The following ZNF391 variants were observed in gnomAD, a reference collection of about 807,000 sequenced individuals.
ZNF391 encodes zinc finger protein 391.
For missense variants in ZNF391, 375 were observed against 425.5 expected (o/e 0.88, Z 1.04); for synonymous variants, 126 against 142.1 (o/e 0.89, Z 0.80).
chr6:27,401,033 C>G lies in ZNF391; in HGVS notation c.663C>G (p.Tyr221Ter), dbSNP rs764820334. 1.2e-6 allele frequency: 2 copies of G among 1,614,054 alleles called. No homozygotes were observed. Among genetic ancestry groups the G allele is most frequent in the Non-Finnish European group, 1.7e-6 (2 of 1,180,042 alleles). Residue 221 changes from tyrosine to a stop codon, truncating the protein, a stop_gained, in exon 3 of 3, where the codon TAC (tyrosine) becomes TAG (stop). Coordinates refer to ENST00000244576, the MANE Select transcript of ZNF391 (RefSeq NM_001076781.3). LOFTEE classifies it low-confidence loss of function (END_TRUNC). Reference protein sequence around the residue: ...HQRTHTQERPYKCNECGKAFG... With the variant: ...HQRTHTQERP ...GAACTCATACTCAAGAAAGGCCTTACAAATGTAATGAATGTGGGAAAGCCT... is the reference window on the plus strand; with the variant it reads ...GAACTCATACTCAAGAAAGGCCTTAGAAATGTAATGAATGTGGGAAAGCCT...
chr6:27,402,558 T>TA lies in ZNF391; in HGVS notation c.*1112dup, dbSNP rs1761997547. ...TTTTATCAAGTTATAAAACTTGAGGTAGTGCAACTAGATTATACACTTCTT... is the reference window on the plus strand; with the variant it reads ...TTTTATCAAGTTATAAAACTTGAGGTAAGTGCAACTAGATTATACACTTCTT... On this transcript the variant is annotated 3_prime_UTR_variant, in exon 3 of 3. Transcript: ENST00000244576. 1 of 152,170 alleles carries TA rather than the reference T, an allele frequency of 6.6e-6. No individual in the cohort carries two copies. Among genetic ancestry groups the TA allele is most frequent in the Admixed American group, 6.5e-5 (1 of 15,270 alleles). 9.4% of individuals were successfully genotyped at this position (152,170 alleles called of 1,614,324 possible).
chr6:27,390,068 C>T lies in ZNF391; in HGVS notation c.-188+993C>T, dbSNP rs562897735. Among the ~76,000 whole-genome samples the T allele has an allele frequency of 2.0e-3, 311 of 152,286 alleles. 2 individuals carry two copies. Among genetic ancestry groups the T allele is most frequent in the African/African-American group, 7.1e-3 (294 of 41,562 alleles). Reference sequence around the variant, plus strand: ...TTAAACTGAGGCTGCCCAGGCAGTTCTGCTGATTGCTTTGTGGATTGGCAA... The same window carrying T: ...TTAAACTGAGGCTGCCCAGGCAGTTTTGCTGATTGCTTTGTGGATTGGCAA... On this transcript the variant is annotated intron_variant, in intron 1 of 2. Coordinates refer to ENST00000244576, the MANE Select transcript of ZNF391 (RefSeq NM_001076781.3).
rs1038381159 is a variant in ZNF391, at chr6:27,388,822, A to C, written c.-441A>C. On this transcript the variant is annotated 5_prime_UTR_variant, in exon 1 of 3. Transcript: ENST00000244576. ...GAGACTTAGGTCCAGGCGACTGCCCAGACAATGACTGGTCCCGCATACCGA... is the reference window on the plus strand; with the variant it reads ...GAGACTTAGGTCCAGGCGACTGCCCCGACAATGACTGGTCCCGCATACCGA... The C allele has an allele frequency of 2.3e-6, 1 of 432,626 alleles. No homozygotes were observed. Among genetic ancestry groups the C allele is most frequent in the East Asian group, 7.0e-5 (1 of 14,276 alleles). The allele number at this position is 432,626 out of a possible 1,614,324, so 26.8% of individuals were successfully genotyped here.
At chr6:27,386,706 C>T (rs1761588426), upstream of ZNF391, among the ~76,000 whole-genome samples, 1 of 151,980 alleles carries the variant, frequency 6.6e-6, no homozygotes, top group Non-Finnish European at 1.5e-5. Context: ...TATCCAAATG[C>T]AAAATAATAA....
chr6:27,379,528 CCAGT>C lies in ZNF391; in HGVS notation n.523+4397_523+4400del, dbSNP rs1761465948. Among the ~76,000 whole-genome samples, 4 of 152,210 alleles carry C rather than the reference CCAGT, an allele frequency of 2.6e-5. No individual in the cohort carries two copies. In the South Asian group the frequency reaches 8.3e-4, roughly 32 times the overall value. On this transcript the variant is annotated intron_variant and non_coding_transcript_variant, in intron 1 of 2. Coordinates refer to the ZNF391 transcript ENST00000477999. ...CTTATCTTACCTTTTAATCTAAAGC[CCAGT>C]CAGTCTTTTAAAATGACATGATCTC...
intron 1 of ZNF391, among the ~76,000 whole-genome samples, chr6:27,382,751 G>A (rs1471013721): frequency 6.6e-6 from 1 of 152,178 alleles, no homozygotes; most frequent in Non-Finnish European, 1.5e-5. Flanking sequence ...GATTTTGATG[G>A]CCTTATTGGT....
intron 1 of ZNF391, chr6:27,389,298 CT>C (rs375717107): frequency 1.7e-4 from 76 of 455,906 alleles, no homozygotes; most frequent in African/African-American, 1.4e-3. Flanking sequence ...GGGTGTATCC[CT>C]GGGAGATGAA....
chr6:27,386,078 A>G (rs901884146), upstream of ZNF391, among the ~76,000 whole-genome samples: 1 of 152,186 alleles, frequency 6.6e-6, no homozygotes, highest in Non-Finnish European at 1.5e-5. Flanking sequence ...ACTTCAAACT[A>G]CATGAAAATG....
chr6:27,386,388 G>T (rs1395760435), upstream of ZNF391, among the ~76,000 whole-genome samples: 1 of 152,100 alleles, frequency 6.6e-6, no homozygotes, highest in Non-Finnish European at 1.5e-5. Flanking sequence ...TTTGTTTGCA[G>T]AAATAGAAAA....
chr6:27,395,550 CTTTA>C (rs1409617468), intron 1 of ZNF391, among the ~76,000 whole-genome samples: 2 of 152,136 alleles, frequency 1.3e-5, no homozygotes, highest in Non-Finnish European at 2.9e-5. Flanking sequence ...TCAGGTATTT[CTTTA>C]TAGTAATGCA....
upstream of ZNF391, among the ~76,000 whole-genome samples, chr6:27,385,512 A>T (rs2113642650): frequency 6.6e-6 from 1 of 152,334 alleles, no homozygotes; most frequent in East Asian, 1.9e-4. Flanking sequence ...GACAGAGCAG[A>T]CTTCAAAGCA....
chr6:27,392,207 T>C (rs1761729029), intron 1 of ZNF391, among the ~76,000 whole-genome samples: 3 of 152,204 alleles, frequency 2.0e-5, no homozygotes, highest in Admixed American at 1.3e-4. Flanking sequence ...TTTCCCTGAA[T>C]TGTGCTGAGG....
chr6:27,375,195 T>G (rs1467165821), intron 1 of ZNF391: 1 of 152,324 alleles, frequency 6.6e-6, no homozygotes, highest in Non-Finnish European at 1.5e-5. Flanking sequence ...AGGGTTTACC[T>G]GTCCGAAGAG....
Position 27,400,418 on chromosome 6 carries a change from A to C in ZNF391, c.48A>C (p.Glu16Asp). The change falls in exon 3 of 3, where the codon GAA becomes GAC. Residue 16 changes from glutamate to aspartate, a missense_variant. Glu to Asp is a conservative substitution (Grantham distance 45). Transcript: ENST00000244576. ...GNTAQGPTNE[E>D]DYKNEGQLSR... ...CTGCTCAGGGTCCTACAAATGAAGA[A>C]GACTATAAAAACGAAGGCCAATTAT... The C allele has an allele frequency of 1.2e-6, 2 of 1,613,676 alleles. No individual in the cohort carries two copies. Among genetic ancestry groups the C allele is most frequent in the Non-Finnish European group, 1.7e-6 (2 of 1,179,882 alleles).
chr6:27,383,464 A>G (rs1040414251), intron 1 of ZNF391, among the ~76,000 whole-genome samples: 5 of 152,172 alleles, frequency 3.3e-5, no homozygotes, highest in Non-Finnish European at 7.4e-5. Flanking sequence ...TCTCATAGAC[A>G]AGGTGCCTTA....
intron 1 of ZNF391, among the ~76,000 whole-genome samples, chr6:27,392,886 A>G (rs1409948425): frequency 6.6e-6 from 1 of 152,240 alleles, no homozygotes; most frequent in African/African-American, 2.4e-5. Flanking sequence ...TATTGCAGGA[A>G]TAATAATAAT....
intron 1 of ZNF391, among the ~76,000 whole-genome samples, chr6:27,383,012 C>G (rs534210793): frequency 6.6e-6 from 1 of 151,906 alleles, no homozygotes; most frequent in South Asian, 2.1e-4. Context: ...CCCAGCTACT[C>G]AGGAGGCTGA....
chr6:27,401,151 A>G lies in ZNF391; in HGVS notation c.781A>G (p.Ile261Val). ...TAAATGTGGAAAAGCTTTCAGTTGG[A>G]TCTCATCGCTTACTGAACATCAGAG... ...CSKCGKAFSW[I>V]SSLTEHQRTH... The change falls in exon 3 of 3, where the codon ATC becomes GTC. Residue 261 changes from isoleucine to valine, a missense_variant. Ile to Val is a conservative substitution (Grantham distance 29, BLOSUM62 3). Transcript: ENST00000244576. 6.2e-7 allele frequency: 1 copy of G among 1,614,226 alleles called. No individual in the cohort carries two copies. The highest frequency in any genetic ancestry group is 1.1e-5 in the South Asian group (1 of 91,086).
intron 2 of ZNF391, among the ~76,000 whole-genome samples, chr6:27,400,024 A>C (rs1308712473): frequency 6.6e-6 from 1 of 152,002 alleles, no homozygotes; most frequent in Non-Finnish European, 1.5e-5. Flanking sequence ...CAGCTGGTAC[A>C]CCTGCTCATT....
Sources: gnomAD v4.1 joint callset for allele counts (sites outside exome capture counted in the v4.1 genomes callset) on GRCh38, gnomAD v4.1.1 for gene constraint, MANE v1.5 for transcripts, NCBI Gene and HGNC (gene_info 2026-07-23, HGNC 2026-07-21) for gene names.